CREB3L2: variants seen among roughly 807,000 people sequenced by gnomAD.
CREB3L2 encodes the protein cAMP responsive element binding protein 3 like 2.
A neutral mutation model predicts 57.2 loss-of-function variants in CREB3L2; 23 were observed. The ratio of observed to expected loss-of-function variants is 0.40; its 90% CI spans 0.29 to 0.57. The LOEUF (loss-of-function observed/expected upper bound fraction) is 0.57. Ranked by LOEUF, CREB3L2 falls within the 20% of genes least tolerant of loss-of-function variation. The pLI, the probability that CREB3L2 is intolerant of heterozygous loss-of-function variation, is 0.42. For synonymous variants in CREB3L2, 268 were observed against 265.1 expected (o/e 1.01, Z -0.11); for missense variants, 628 against 634.7 (o/e 0.99, Z 0.11).
chr7:137,886,699 A>T (rs552593398), intron 8 of CREB3L2, among the ~76,000 whole-genome samples: 6 of 150,796 alleles, frequency 4.0e-5, no homozygotes, highest in African/African-American at 1.5e-4. Flanking sequence ...GCCTTTCTCC[A>T]GGAAAAAGAC....
At chr7:137,950,917 CCTCA>C (rs997374224) in intron 1 of CREB3L2, among the ~76,000 whole-genome samples, 1 of 152,190 alleles carries the variant, frequency 6.6e-6, no homozygotes, top group Non-Finnish European at 1.5e-5. Flanking sequence ...ATACACTGAT[CCTCA>C]CTATTCACAG....
intron 8 of CREB3L2, among the ~76,000 whole-genome samples, chr7:137,898,250 C>T (rs1181101940): frequency 6.6e-6 from 1 of 152,116 alleles, no homozygotes; most frequent in Non-Finnish European, 1.5e-5. Flanking sequence ...ATAAAAAAGA[C>T]AAGGCGCGAA....
intron 6 of CREB3L2, among the ~76,000 whole-genome samples, chr7:137,904,458 G>T (rs547868019): frequency 2.0e-5 from 3 of 152,184 alleles, no homozygotes; most frequent in Non-Finnish European, 4.4e-5. Flanking sequence ...CTGAGGTCAG[G>T]AGTTCAAGAC....
intron 1 of CREB3L2, among the ~76,000 whole-genome samples, chr7:137,975,768 AAGAG>A (rs938361414): frequency 1.3e-5 from 2 of 152,264 alleles, no homozygotes; most frequent in African/African-American, 4.8e-5. Flanking sequence ...AACAGCAGGA[AAGAG>A]AGAGACAATC....
chr7:137,917,068 G>T (rs1022256928), intron 2 of CREB3L2, among the ~76,000 whole-genome samples: 11 of 152,156 alleles, frequency 7.2e-5, no homozygotes, highest in African/African-American at 2.7e-4. Context: ...ACTTTGGTTT[G>T]TAATAACCAT....
At chr7:137,929,603 T>C (rs951526166) in intron 1 of CREB3L2, among the ~76,000 whole-genome samples, 6 of 151,720 alleles carry the variant, frequency 4.0e-5, no homozygotes, top group African/African-American at 7.3e-5. Context: ...TGGCTCATGC[T>C]TGTAATCCCA....
In CREB3L2 at chr7:137,879,575, AG is replaced by A. The variant is rs1010134665; in HGVS notation, c.*900del. On this transcript the variant is annotated 3_prime_UTR_variant, in exon 12 of 12. Transcript: ENST00000330387. Reference sequence around the variant, plus strand: ...TTCAATGGTAATTATTCCAGTTAAAAGAAAAAACAAAGGAAAGGAAACAAAA... The same window carrying A: ...TTCAATGGTAATTATTCCAGTTAAAAAAAAAACAAAGGAAAGGAAACAAAA... The A allele has an allele frequency of 4.0e-6, 1 of 246,932 alleles. No homozygotes were observed. Among genetic ancestry groups the A allele is most frequent in the Non-Finnish European group, 7.9e-6 (1 of 126,778 alleles). 15.3% of individuals were successfully genotyped at this position (246,932 alleles called of 1,614,324 possible). A position where few individuals can be genotyped will look rare whatever the true frequency, so the allele number is the denominator to read the frequency against.
At chr7:137,989,294 G>A (rs779220923) in intron 1 of CREB3L2, among the ~76,000 whole-genome samples, 10 of 152,106 alleles carry the variant, frequency 6.6e-5, no homozygotes, top group Non-Finnish European at 1.0e-4. Flanking sequence ...ACACCGCCCT[G>A]AGCTAACATG....
intron 1 of CREB3L2, among the ~76,000 whole-genome samples, chr7:137,931,841 T>C (rs1354996085): frequency 1.3e-5 from 2 of 152,186 alleles, no homozygotes; most frequent in Non-Finnish European, 2.9e-5. Context: ...TAAAAATAAA[T>C]AAATACAATT....
At position 137,918,552 on chromosome 7, in the gene CREB3L2, G is replaced by A. The variant is rs997671932; in HGVS notation, c.320-2540C>T. Reference sequence around the variant, plus strand: ...GTAATATTTATCCCTGGCAAAGGCTGGAAGAAAGACGGTAGGATGAAATAT... The same window carrying A: ...GTAATATTTATCCCTGGCAAAGGCTAGAAGAAAGACGGTAGGATGAAATAT... On this transcript the variant is annotated intron_variant, in intron 2 of 11. Transcript: ENST00000330387. Among the ~76,000 whole-genome samples, 7 of 152,208 alleles carry A rather than the reference G, an allele frequency of 4.6e-5. No individual in the cohort carries two copies. The East Asian group carries it at 1.3e-3, about 29-fold the overall frequency.
chr7:137,980,263 C>T lies in CREB3L2; in HGVS notation c.102+21341G>A, dbSNP rs1251588044. On this transcript the variant is annotated intron_variant, in intron 1 of 11. Transcript: ENST00000330387. The surrounding 1 kb of genome is among the most constrained non-coding windows in gnomAD (Gnocchi z 4.3). ...AATGCCTGATGCCCAGGCCTCATCC[C>T]AGAACCAATTAAATCAGAATCTCTT... Among the ~76,000 whole-genome samples, 1 of 152,172 alleles carries T rather than the reference C, an allele frequency of 6.6e-6. No individual in the cohort carries two copies. Among genetic ancestry groups the T allele is most frequent in the African/African-American group, 2.4e-5 (1 of 41,444 alleles).
intron 2 of CREB3L2, among the ~76,000 whole-genome samples, chr7:137,925,783 A>C (rs556821322): frequency 6.6e-6 from 1 of 152,352 alleles, no homozygotes; most frequent in South Asian, 2.1e-4. Context: ...CACACATCTT[A>C]AATGAGTAGT....
At chr7:137,899,131 AG>A (rs1799695605) in intron 8 of CREB3L2, among the ~76,000 whole-genome samples, 1 of 147,912 alleles carries the variant, frequency 6.8e-6, no homozygotes, top group African/African-American at 2.5e-5. Flanking sequence ...GAAGGAAGGA[AG>A]GAAGGAAGGA....
intron 1 of CREB3L2, among the ~76,000 whole-genome samples, chr7:137,960,974 C>T (rs1801311907): frequency 1.3e-5 from 2 of 151,458 alleles, no homozygotes; most frequent in South Asian, 2.1e-4. Flanking sequence ...CCACCACACC[C>T]GGCTAATTTT....
chr7:137,919,663 A>C (rs1321308753), intron 2 of CREB3L2, among the ~76,000 whole-genome samples: 1 of 152,200 alleles, frequency 6.6e-6, no homozygotes, highest in African/African-American at 2.4e-5. Context: ...AAATAACCAA[A>C]ACATTAAAAA....
intron 4 of CREB3L2, among the ~76,000 whole-genome samples, chr7:137,911,132 C>T (rs560671452): frequency 4.0e-4 from 61 of 152,252 alleles, no homozygotes; most frequent in South Asian, 8.3e-4. Context: ...GTTATACAAA[C>T]GAAAGCAATT....
chr7:137,878,395 C>A lies in CREB3L2; in HGVS notation c.*2081G>T, dbSNP rs1238734012. The A allele has an allele frequency of 8.6e-6, 2 of 232,804 alleles. No homozygotes were observed. The highest frequency in any genetic ancestry group is 4.4e-5 in the African/African-American group (2 of 45,340). 14.4% of individuals were successfully genotyped at this position (232,804 alleles called of 1,614,324 possible). ...TGAGTAAATCTTATCTTTTTGCCTTCTTTGGGCCCTATAGGCTGCCTATGC... is the reference window on the plus strand; with the variant it reads ...TGAGTAAATCTTATCTTTTTGCCTTATTTGGGCCCTATAGGCTGCCTATGC... On this transcript the variant is annotated 3_prime_UTR_variant, in exon 12 of 12. Transcript: ENST00000330387.
At chr7:137,907,027 CTAT>C (rs1228484810) in intron 5 of CREB3L2, among the ~76,000 whole-genome samples, 2 of 152,192 alleles carry the variant, frequency 1.3e-5, no homozygotes, top group African/African-American at 4.8e-5. Context: ...GAGAACACTA[CTAT>C]GAGTTGTGTG....
At chr7:137,884,708 T>A (rs28653125) in intron 10 of CREB3L2, 8,255 of 596,902 alleles carry the variant, frequency 0.014, 471 homozygotes, top group African/African-American at 0.13. Flanking sequence ...TCCCTCTCCC[T>A]TATCAGAACT....
Sources: allele counts gnomAD v4.1 joint callset (sites outside exome capture counted in the v4.1 genomes callset), GRCh38; gene constraint gnomAD v4.1.1; non-coding constraint Gnocchi (gnomAD v3.1); transcripts MANE v1.5; gene names NCBI Gene and HGNC (gene_info 2026-07-23, HGNC 2026-07-21).